Variants in EXPH5 observed in about 807,000 individuals in gnomAD.
EXPH5 encodes the protein exophilin-5.
In EXPH5, 42 loss-of-function variants were observed where a neutral mutation model predicts 41.1. The observed-to-expected ratio is 1.02, with a 90% confidence interval of 0.80 to 1.32. EXPH5 has a LOEUF of 1.32. Ranked by LOEUF, EXPH5 falls within the 40% of genes most tolerant of loss-of-function variation. The probability of loss-of-function intolerance (pLI) is 0.00; values close to 1 mark genes in which losing one functional copy is unlikely to be tolerated. For synonymous variants in EXPH5, 798 were observed against 833.5 expected, an observed-to-expected ratio of 0.96 and a Z score of 0.73; for missense variants, 2,298 against 2,314.5, an observed-to-expected ratio of 0.99 and a Z score of 0.15.
rs747814599 is a variant in EXPH5 at position 108,514,140 on chromosome 11, G to A, written c.1367C>T (p.Thr456Ile). 1.9e-6 allele frequency: 3 copies of A among 1,613,944 alleles called. No individual in the cohort carries two copies. The highest frequency in any genetic ancestry group is 4.5e-5 in the East Asian group (2 of 44,882). ...ENMPFYHQSN[T>I]FTRSFFSNTF... Reference sequence around the variant, plus strand: ...ATTGCTGAAGAAAGATCTGGTAAATGTGTTGCTTTGATGGTAGAATGGCAT... The same window carrying A: ...ATTGCTGAAGAAAGATCTGGTAAATATGTTGCTTTGATGGTAGAATGGCAT... The change falls in exon 6 of 6, where the codon ACA (threonine) becomes ATA (isoleucine). Residue 456 changes from threonine (T) to isoleucine (I), a missense_variant. Thr to Ile is a moderately conservative substitution (Grantham distance 89). Transcript: ENST00000265843.
Position 108,510,897 on chromosome 11 carries a change from G to A in EXPH5, c.4610C>T (p.Pro1537Leu). ...CTGACTTCTTTGAGGTAATTCTCTT[G>A]GTTCAGACTGCAGACTCTCTAAGTT... The part of the protein sequence containing the change: ...EPNLESLQSE[P>L]RELPQRSQEA... Residue 1537 changes from proline (P) to leucine (L), a missense_variant, in exon 6 of 6, where the codon CCA becomes CTA. Coordinates refer to ENST00000265843, the MANE Select transcript of EXPH5 (RefSeq NM_015065.3). The A allele has an allele frequency of 6.2e-7, 1 of 1,614,128 alleles. No individual in the cohort carries two copies. The highest frequency in any genetic ancestry group is 1.3e-5 in the African/African-American group (1 of 75,002).
chr11:108,578,338 T>C (rs2094086591), intron 1 of EXPH5, among the ~76,000 whole-genome samples: 1 of 152,212 alleles, frequency 6.6e-6, no homozygotes, highest in African/African-American at 2.4e-5. Context: ...GAAAATGAGC[T>C]GGCTGTAAAT....
Position 108,509,274 on chromosome 11 carries a change from T to G in EXPH5, c.*263A>C. 1 of 300,164 alleles carries G rather than the reference T, an allele frequency of 3.3e-6. No individual in the cohort carries two copies. The highest frequency in any genetic ancestry group is 6.1e-6 in the Non-Finnish European group (1 of 163,798). 18.6% of individuals were successfully genotyped at this position (300,164 alleles called of 1,614,324 possible). ...CCCAAATCAGACAGTGAATCAGGGATTAAGTGGGAGTGGTGGAAAGGCAGG... is the reference window on the plus strand; with the variant it reads ...CCCAAATCAGACAGTGAATCAGGGAGTAAGTGGGAGTGGTGGAAAGGCAGG... On this transcript the variant is annotated 3_prime_UTR_variant, in exon 6 of 6. Coordinates refer to ENST00000265843, the MANE Select transcript of EXPH5 (RefSeq NM_015065.3).
At chr11:108,606,037 T>C in the EXPH5 span, among the ~76,000 whole-genome samples, 1 of 152,200 alleles carries the variant, frequency 6.6e-6, no homozygotes, top group African/African-American at 2.4e-5. Flanking sequence ...TTCTTCTTTT[T>C]TTAAAAATAG....
Position 108,562,265 on chromosome 11 carries a change from G to GTTT in EXPH5, c.120-20456_120-20454dup, listed in dbSNP as rs35527615. 1.2e-3 allele frequency among the ~76,000 whole-genome samples: 127 copies of GTTT among 104,586 alleles called. 3 individuals are homozygous for GTTT. The highest frequency in any genetic ancestry group is 4.4e-3 in the East Asian group (19 of 4,342). The allele number at this position is 104,586 out of a possible 152,430, so 68.6% of individuals were successfully genotyped here. A position where few individuals can be genotyped will look rare whatever the true frequency, so the allele number is the denominator to read the frequency against. On this transcript the variant is annotated intron_variant, in intron 1 of 5. Transcript: ENST00000265843. Reference sequence around the variant, plus strand: ...TTTGCCATTATACAATTTTTTCTGTGTTTTTTTTTTTTTTTTTTTGTAATT... The same window carrying GTTT: ...TTTGCCATTATACAATTTTTTCTGTGTTTTTTTTTTTTTTTTTTTTTTGTAATT...
chr11:108,572,620 G>A (rs374546215), intron 1 of EXPH5, among the ~76,000 whole-genome samples: 67 of 152,268 alleles, frequency 4.4e-4, no homozygotes, highest in African/African-American at 1.2e-3. Context: ...GTGCAATGGC[G>A]TGATCTCAGC....
rs766623289 is a variant in EXPH5 at position 108,513,288 on chromosome 11, G to C, written c.2219C>G (p.Pro740Arg). 2 of 1,612,444 alleles carry C rather than the reference G, an allele frequency of 1.2e-6. No homozygotes were observed. The highest frequency in any genetic ancestry group is 1.7e-6 in the Non-Finnish European group (2 of 1,179,442). The part of the protein sequence containing the change: ...VSQTGISNSL[P>R]DFQNPLSQDS... ...CTGGGATAAGGGATTTTGAAAATCA[G>C]GTAAAGAGTTTGAGATCCCTGTCTG... The change falls in exon 6 of 6, where the codon CCT becomes CGT. Residue 740 changes from proline (P) to arginine (R), a missense_variant. Transcript: ENST00000265843.
chr11:108,590,823 T>A (rs1324782375), intron 1 of EXPH5, among the ~76,000 whole-genome samples: 1 of 152,206 alleles, frequency 6.6e-6, no homozygotes, highest in African/African-American at 2.4e-5. Context: ...AATTTATTTT[T>A]AATTTTTATT....
rs1354636192 is a variant in EXPH5 at position 108,541,818 on chromosome 11, A to G, written c.120-6T>C. On this transcript the variant is annotated splice_region_variant and splice_polypyrimidine_tract_variant and intron_variant, in intron 1 of 5. Coordinates refer to ENST00000265843, the MANE Select transcript of EXPH5 (RefSeq NM_015065.3). ...TCTTTGTCTTCTGAAGTTTGCTGAA[A>G]TAAAATAAAACATTAATGTGGTCTT... is the stretch of plus-strand genomic sequence containing the variant. 3.2e-5 allele frequency: 50 copies of G among 1,579,650 alleles called. 1 individual carries two copies. Among genetic ancestry groups the G allele is most frequent in the Non-Finnish European group, 4.0e-5 (47 of 1,166,608 alleles).
intron 4 of EXPH5, among the ~76,000 whole-genome samples, chr11:108,519,253 C>T (rs2093748417): frequency 6.6e-6 from 1 of 152,084 alleles, no homozygotes; most frequent in Non-Finnish European, 1.5e-5. Context: ...CAACCAAAGG[C>T]TAACTTTGGG....
chr11:108,547,901 G>A (rs2640774), intron 1 of EXPH5, among the ~76,000 whole-genome samples: 87,958 of 151,858 alleles, frequency 0.58, 28,547 homozygotes, highest in East Asian at 0.74. Context: ...CCTGAGGTCA[G>A]TAGTTCAAGA....
At chr11:108,547,747 AC>A (rs971349805) in intron 1 of EXPH5, among the ~76,000 whole-genome samples, 7 of 151,944 alleles carry the variant, frequency 4.6e-5, no homozygotes, top group Admixed American at 6.6e-5. Context: ...GAAGGTTTGA[AC>A]CCTTCCCTTA....
chr11:108,513,426 A>G lies in EXPH5; in HGVS notation c.2081T>C (p.Val694Ala), dbSNP rs1358709877. The change falls in exon 6 of 6, where the codon GTC becomes GCC. Residue 694 changes from valine (V) to alanine (A), a missense_variant. By Grantham distance (64) the Val-to-Ala change is moderately conservative (BLOSUM62 0). Transcript: ENST00000265843. ...GTCTTTCTCATTATTTACTTCTGTG[A>G]CCAAGATATTGGGCTGGCTTTTGGC... ...PLAKSQPNIL[V>A]TEVNNEKDLN... 1.2e-6 allele frequency: 2 copies of G among 1,613,494 alleles called. No homozygotes were observed. The highest frequency in any genetic ancestry group is 2.2e-5 in the South Asian group (2 of 90,858).
intron 1 of EXPH5, among the ~76,000 whole-genome samples, chr11:108,542,547 A>G (rs1416625621): frequency 6.6e-6 from 1 of 152,188 alleles, no homozygotes; most frequent in Non-Finnish European, 1.5e-5. Context: ...TCACTTGTTA[A>G]TTCATTAAAT....
At chr11:108,537,044 T>C (rs1468012617) in intron 3 of EXPH5, among the ~76,000 whole-genome samples, 1 of 152,148 alleles carries the variant, frequency 6.6e-6, no homozygotes, top group East Asian at 1.9e-4. Context: ...AGGTCCTGAA[T>C]CACAGTCCAT....
chr11:108,569,964 A>C (rs1157391675), intron 1 of EXPH5, among the ~76,000 whole-genome samples: 1 of 152,204 alleles, frequency 6.6e-6, no homozygotes, highest in East Asian at 1.9e-4. Context: ...GGCAGCTCCA[A>C]GAAAAAGGTA....
intron 3 of EXPH5, among the ~76,000 whole-genome samples, chr11:108,532,340 ATATATATATATAT>A (rs2093843950): frequency 1.8e-4 from 1 of 5,640 alleles, no homozygotes; most frequent in Admixed American, 2.9e-3. Context: ...ACCACACTGG[ATATATATATATAT>A]ATATATATAT....
chr11:108,599,373 GTATAAAGCTATAGT>G, the EXPH5 span, among the ~76,000 whole-genome samples: 4 of 152,046 alleles, frequency 2.6e-5, no homozygotes, highest in Non-Finnish European at 5.9e-5. Flanking sequence ...GTATGCATGT[GTATAAAGCTATAGT>G]TATAATCACA....
In EXPH5 at chr11:108,510,507, T is replaced by G. The variant is rs2093671623; in HGVS notation, c.5000A>C (p.Lys1667Thr). The change falls in exon 6 of 6, where the codon AAG (lysine) becomes ACG (threonine). Residue 1667 changes from lysine (K) to threonine (T), a missense_variant. Coordinates refer to ENST00000265843, the MANE Select transcript of EXPH5 (RefSeq NM_015065.3). ...SRLSENGKHVKKSENLLPITV... is the reference protein window; with the variant it reads ...SRLSENGKHVTKSENLLPITV... ...AATGGGGAGAAGGTTCTCGGATTTC[T>G]TCACATGCTTTCCGTTCTCACTCAA... is the stretch of plus-strand genomic sequence containing the variant. 1.2e-6 allele frequency: 2 copies of G among 1,614,220 alleles called. No individual in the cohort carries two copies. Among genetic ancestry groups the G allele is most frequent in the Non-Finnish European group, 1.7e-6 (2 of 1,180,036 alleles).
Sources: allele counts gnomAD v4.1 joint callset (sites outside exome capture counted in the v4.1 genomes callset), GRCh38; gene constraint gnomAD v4.1.1; transcripts MANE v1.5; gene names NCBI Gene and HGNC (gene_info 2026-07-23, HGNC 2026-07-21).